ASIP: variants seen among roughly 807,000 people sequenced by gnomAD.
ASIP encodes the protein agouti signaling protein, also known as agouti-signaling protein.
In ASIP, 11 loss-of-function variants were observed where a neutral mutation model predicts 10.3. That is an observed-to-expected ratio of 1.07 (90% CI 0.68 to 1.78). The LOEUF (loss-of-function observed/expected upper bound fraction) is 1.78. ASIP is among the 40% of genes most tolerant of loss of function. The probability of loss-of-function intolerance (pLI) is 0.00; values close to 1 mark genes in which losing one functional copy is unlikely to be tolerated. For missense variants in ASIP, 180 were observed against 169.2 expected, an observed-to-expected ratio of 1.06 and a Z score of -0.35; for synonymous variants, 70 against 70.8, an observed-to-expected ratio of 0.99 and a Z score of 0.06.
At chr20:34,255,773 C>T (rs956998364) in intron 1 of ASIP, among the ~76,000 whole-genome samples, 2 of 152,202 alleles carry the variant, frequency 1.3e-5, no homozygotes, top group African/African-American at 4.8e-5. Context: ...TAGAGGGCTT[C>T]CTGGTCTAGC....
intron 1 of ASIP, chr20:34,214,396 C>T: frequency 7.3e-7 from 1 of 1,375,772 alleles, no homozygotes; most frequent in South Asian, 1.2e-5. Flanking sequence ...TAGGAACTGA[C>T]TCCTGATGTT....
the ASIP span, among the ~76,000 whole-genome samples, chr20:34,189,003 TA>T: frequency 1.3e-5 from 2 of 152,284 alleles, no homozygotes; most frequent in African/African-American, 4.8e-5. Flanking sequence ...TAGAAATTTC[TA>T]AAAAGACAGG....
At chr20:34,239,611 A>C (rs1160287695), upstream of ASIP, among the ~76,000 whole-genome samples, 1 of 152,248 alleles carries the variant, frequency 6.6e-6, no homozygotes, top group Non-Finnish European at 1.5e-5. Context: ...TTTTCAGCCC[A>C]GTGTGGTTGG....
chr20:34,217,503 A>G (rs2035016691), intron 1 of ASIP, among the ~76,000 whole-genome samples: 1 of 152,104 alleles, frequency 6.6e-6, no homozygotes, highest in Middle Eastern at 3.2e-3. Context: ...CTTTTCAGGT[A>G]CCTTACTACA....
At chr20:34,224,709 A>G (rs1341903001) in intron 1 of ASIP, among the ~76,000 whole-genome samples, 1 of 151,968 alleles carries the variant, frequency 6.6e-6, no homozygotes, top group African/African-American at 2.4e-5. Flanking sequence ...AAATGACTTA[A>G]AAGTGTGGTG....
chr20:34,264,328 G>A (rs1274680127), intron 3 of ASIP, among the ~76,000 whole-genome samples: 1 of 152,192 alleles, frequency 6.6e-6, no homozygotes, highest in African/African-American at 2.4e-5. Flanking sequence ...GCATGCTCAG[G>A]TGTTGCGAGT....
chr20:34,190,119 C>T (rs181219641), upstream of ASIP, among the ~76,000 whole-genome samples: 306 of 152,232 alleles, frequency 2.0e-3, 1 homozygote, highest in Non-Finnish European at 1.9e-3. Flanking sequence ...GGAGTCATTC[C>T]GTGTGATGCT....
At chr20:34,239,044 A>G (rs1437878168), upstream of ASIP, among the ~76,000 whole-genome samples, 1 of 152,094 alleles carries the variant, frequency 6.6e-6, no homozygotes, top group East Asian at 1.9e-4. Flanking sequence ...CTGGCTAATT[A>G]TTTCTAAGGG....
chr20:34,239,758 C>T (rs1227618798), upstream of ASIP, among the ~76,000 whole-genome samples: 1 of 152,164 alleles, frequency 6.6e-6, no homozygotes, highest in Non-Finnish European at 1.5e-5. Context: ...CTCTACAAAT[C>T]ACCAAAAGAA....
chr20:34,238,252 C>T (rs2035236931), upstream of ASIP, among the ~76,000 whole-genome samples: 1 of 151,962 alleles, frequency 6.6e-6, no homozygotes, highest in Non-Finnish European at 1.5e-5. Flanking sequence ...TCTCTCTTCT[C>T]CTTCTGGGAT....
At chr20:34,244,091 C>A (rs141444706) in intron 1 of ASIP, among the ~76,000 whole-genome samples, 1 of 152,190 alleles carries the variant, frequency 6.6e-6, no homozygotes, top group African/African-American at 2.4e-5. Context: ...CAAAAAAACT[C>A]TCATTCAAGA....
the ASIP span, among the ~76,000 whole-genome samples, chr20:34,186,534 G>A: frequency 6.6e-6 from 1 of 152,132 alleles, no homozygotes; most frequent in Non-Finnish European, 1.5e-5. Context: ...TGAGTTCACC[G>A]ATCCTTCCTA....
chr20:34,248,130 C>T (rs551856152), intron 1 of ASIP, among the ~76,000 whole-genome samples: 2 of 152,018 alleles, frequency 1.3e-5, no homozygotes, highest in East Asian at 1.9e-4. Context: ...CGCTTGAACC[C>T]GGGAGGTGAA....
At chr20:34,239,155 A>G (rs560484745), upstream of ASIP, among the ~76,000 whole-genome samples, 4 of 149,606 alleles carry the variant, frequency 2.7e-5, no homozygotes, top group African/African-American at 9.9e-5. Flanking sequence ...ACTTAGTTCC[A>G]CTCCCATCCC....
In ASIP at chr20:34,233,442, C is replaced by T. The variant is rs909785585; in HGVS notation, c.-10-26923C>T. Among the ~76,000 whole-genome samples, 5 of 152,200 alleles carry T rather than the reference C, an allele frequency of 3.3e-5. No individual in the cohort carries two copies. In the South Asian group the frequency reaches 6.2e-4, roughly 19 times the overall value. The stretch of plus-strand genomic sequence containing the variant: ...GATTACAGGTGTGAGCCACCGCGCC[C>T]GGCCCACATGGATAAACTTTGAAAA... On this transcript the variant is annotated intron_variant, in intron 1 of 3. Transcript: ENST00000568305.
At chr20:34,217,434 A>G (rs923884053) in intron 1 of ASIP, among the ~76,000 whole-genome samples, 61 of 151,192 alleles carry the variant, frequency 4.0e-4, no homozygotes, top group African/African-American at 1.4e-3. Flanking sequence ...TGAGACTCCA[A>G]CTCAAAAAAA....
At chr20:34,246,338 G>A in intron 1 of ASIP, 1 of 1,543,448 alleles carries the variant, frequency 6.5e-7, no homozygotes, top group Non-Finnish European at 8.8e-7. Context: ...ATTTTCTACA[G>A]TAAATTTTGC....
chr20:34,197,981 T>G (rs1489944918), intron 1 of ASIP, among the ~76,000 whole-genome samples: 7 of 152,104 alleles, frequency 4.6e-5, no homozygotes, highest in Non-Finnish European at 8.8e-5. Context: ...TAAAAGTATT[T>G]GCCACAGCTG....
chr20:34,264,780 G>C (rs76520857), intron 3 of ASIP, among the ~76,000 whole-genome samples: 1 of 136,338 alleles, frequency 7.3e-6, no homozygotes, highest in Non-Finnish European at 1.6e-5. Context: ...ATTTTCCCTA[G>C]TTTACTTCAT....
Sources: gnomAD v4.1 joint callset for allele counts (sites outside exome capture counted in the v4.1 genomes callset) on GRCh38, gnomAD v4.1.1 for gene constraint, MANE v1.5 for transcripts, NCBI Gene and HGNC (gene_info 2026-07-23, HGNC 2026-07-21) for gene names.